PCDH11X: variants seen among roughly 807,000 people sequenced by gnomAD.
PCDH11X encodes protocadherin 11 X-linked.
In PCDH11X, 18 loss-of-function variants were observed where a neutral mutation model predicts 53.3. That is an observed-to-expected ratio of 0.34 (90% CI 0.23 to 0.50). The LOEUF (loss-of-function observed/expected upper bound fraction) is 0.50, where lower values mean the gene tolerates loss of function less well. Ranked by LOEUF, PCDH11X falls within the 20% of genes least tolerant of loss-of-function variation. The pLI is 0.98. For synonymous variants in PCDH11X, 279 were observed against 393.3 expected, an observed-to-expected ratio of 0.71 and a Z score of 3.44; for missense variants, 570 against 1,032.4, an observed-to-expected ratio of 0.55 and a Z score of 6.14.
chrX:92,357,700 A>G (rs1603286497), intron 8 of PCDH11X, among the ~76,000 whole-genome samples: 1 of 110,428 alleles, frequency 9.1e-6, no homozygotes, highest in Middle Eastern at 4.6e-3. Flanking sequence ...TCTGTTGTTT[A>G]TAAGATATCT....
chrX:91,850,867 A>G (rs1480050226), intron 5 of PCDH11X, among the ~76,000 whole-genome samples: 1 of 110,679 alleles, frequency 9.0e-6, no homozygotes, highest in Admixed American at 9.7e-5. Flanking sequence ...AAAAAGATTT[A>G]AACTAAAAAC....
At chrX:91,908,307 C>T (rs1276638728) in intron 6 of PCDH11X, among the ~76,000 whole-genome samples, 1 of 111,281 alleles carries the variant, frequency 9.0e-6, no homozygotes. Flanking sequence ...AACTATAAGC[C>T]TCTATAAGGA....
chrX:92,546,401 A>G (rs1602302602), intron 10 of PCDH11X, among the ~76,000 whole-genome samples: 1 of 111,886 alleles, frequency 8.9e-6, no homozygotes, highest in African/African-American at 3.3e-5. Context: ...CCATCGACAT[A>G]CATGAAAGAC....
At chrX:91,866,849 T>G (rs1240499682) in intron 5 of PCDH11X, among the ~76,000 whole-genome samples, 1 of 110,991 alleles carries the variant, frequency 9.0e-6, no homozygotes, top group African/African-American at 3.3e-5. Flanking sequence ...TTTTTTTCTT[T>G]TAGTATTGTG....
chrX:92,268,408 C>T (rs2067879720), intron 8 of PCDH11X, among the ~76,000 whole-genome samples: 1 of 110,889 alleles, frequency 9.0e-6, no homozygotes, highest in South Asian at 3.9e-4. Flanking sequence ...TCTCCTGTCT[C>T]AGCCTCCCGA....
intron 9 of PCDH11X, among the ~76,000 whole-genome samples, chrX:92,410,919 AAAG>A (rs1173109184): frequency 9.1e-6 from 1 of 109,398 alleles, no homozygotes; most frequent in African/African-American, 3.4e-5. Flanking sequence ...TGAGGGCAAG[AAAG>A]AAGAACCTGC....
chrX:92,338,442 C>A (rs141806344), intron 8 of PCDH11X, among the ~76,000 whole-genome samples: 1 of 110,597 alleles, frequency 9.0e-6, no homozygotes, highest in African/African-American at 3.3e-5. Flanking sequence ...AAAACAAGTA[C>A]AAGCACATAA....
rs530491671 is a variant in PCDH11X, at chrX:92,343,570, A to T, written c.3145-44165A>T. Among the ~76,000 whole-genome samples, 4 of 111,064 alleles carry T rather than the reference A, an allele frequency of 3.6e-5. No homozygotes were observed. The South Asian group carries it at 1.5e-3, about 42-fold the overall frequency. On this transcript the variant is annotated intron_variant, in intron 8 of 10. Coordinates refer to ENST00000682573, the MANE Select transcript of PCDH11X (RefSeq NM_032968.5). ...GCTATATATCTACGTGTATTTCTTT[A>T]TGTGAAATGACTTTGCCTTTCAAGA...
At chrX:92,080,240 C>T (rs1202688460) in intron 6 of PCDH11X, among the ~76,000 whole-genome samples, 2 of 111,088 alleles carry the variant, frequency 1.8e-5, no homozygotes, top group Admixed American at 1.9e-4. Context: ...TCACTTTCAT[C>T]TTATCCCAGT....
At chrX:92,566,309 A>G (rs1384167686) in intron 10 of PCDH11X, among the ~76,000 whole-genome samples, 2 of 108,995 alleles carry the variant, frequency 1.8e-5, no homozygotes, top group African/African-American at 3.3e-5. Flanking sequence ...AATACATTTG[A>G]GAATGCAACA....
At chrX:92,334,938 C>T (rs967903068) in intron 8 of PCDH11X, among the ~76,000 whole-genome samples, 3 of 109,766 alleles carry the variant, frequency 2.7e-5, no homozygotes, top group African/African-American at 6.6e-5. Context: ...TTAGTAGTTA[C>T]GTTTTGGGGG....
intron 6 of PCDH11X, among the ~76,000 whole-genome samples, chrX:92,138,310 G>C (rs1249209244): frequency 1.8e-5 from 2 of 110,596 alleles, no homozygotes; most frequent in Non-Finnish European, 3.8e-5. Context: ...AGTGCTGAAA[G>C]CATAATGTTC....
intron 10 of PCDH11X, among the ~76,000 whole-genome samples, chrX:92,575,995 TATATATATATATATATAC>T (rs1329708126): frequency 0.069 from 3,768 of 54,857 alleles, 315 homozygotes; most frequent in African/African-American, 0.23. Flanking sequence ...TATATATATA[TATATATATATATATATAC>T]ACACACACAC....
chrX:92,000,677 T>C (rs1423267388), intron 6 of PCDH11X, among the ~76,000 whole-genome samples: 2 of 109,628 alleles, frequency 1.8e-5, no homozygotes, highest in Admixed American at 2.0e-4. Context: ...TGTTTATTCG[T>C]TCTAACTATA....
intron 10 of PCDH11X, among the ~76,000 whole-genome samples, chrX:92,605,499 G>C (rs1926692546): frequency 9.0e-6 from 1 of 111,182 alleles, no homozygotes; most frequent in Admixed American, 9.6e-5. Flanking sequence ...ATAAATAAAA[G>C]ATACTAAAAC....
At chrX:92,425,126 T>G (rs768204036) in intron 9 of PCDH11X, among the ~76,000 whole-genome samples, 94 of 103,801 alleles carry the variant, frequency 9.1e-4, no homozygotes, top group African/African-American at 3.3e-3. Flanking sequence ...AAAAAGAGAG[T>G]CTGAGATCAC....
At chrX:92,120,134 A>AC (rs1447258748) in intron 6 of PCDH11X, among the ~76,000 whole-genome samples, 1 of 102,099 alleles carries the variant, frequency 9.8e-6, no homozygotes, top group Non-Finnish European at 2.0e-5. Flanking sequence ...ATGGAATGGC[A>AC]CCATTTTCTA....
chrX:92,347,642 C>A (rs1403902853), intron 8 of PCDH11X, among the ~76,000 whole-genome samples: 2 of 111,661 alleles, frequency 1.8e-5, no homozygotes, highest in Non-Finnish European at 3.8e-5. Flanking sequence ...TCCATTCTTG[C>A]AGATGAGGGT....
At chrX:92,441,772 G>A (rs1011581120) in intron 9 of PCDH11X, among the ~76,000 whole-genome samples, 25 of 111,764 alleles carry the variant, frequency 2.2e-4, no homozygotes, top group Admixed American at 2.0e-3. Flanking sequence ...TCCCTACTAG[G>A]GCACCATCTA....
Sources: gnomAD v4.1 joint callset for allele counts (sites outside exome capture counted in the v4.1 genomes callset) on GRCh38, gnomAD v4.1.1 for gene constraint, MANE v1.5 for transcripts, NCBI Gene and HGNC (gene_info 2026-07-23, HGNC 2026-07-21) for gene names.